RFXANK: variants seen among roughly 807,000 people sequenced by gnomAD.
RFXANK encodes the protein DNA-binding protein RFXANK.
Under a neutral mutation model 34.5 loss-of-function variants are expected in RFXANK, and 19 were observed. The ratio of observed to expected loss-of-function variants is 0.55; its 90% confidence interval spans 0.38 to 0.81. RFXANK has a LOEUF of 0.81. Among genes scored for constraint, RFXANK ranks in the 30% least tolerant of loss-of-function variants. The pLI is 0.00. For missense variants in RFXANK, 295 were observed against 343.5 expected, an observed-to-expected ratio of 0.86 and a Z score of 1.12; for synonymous variants, 154 against 149.8, an observed-to-expected ratio of 1.03 and a Z score of -0.20.
chr19:19,199,365 G>A, intron 9 of RFXANK, 131 bp downstream of exon 9: 3 of 899,396 alleles, frequency 3.3e-6, no homozygotes, highest in East Asian at 2.4e-5. Flanking sequence ...GTTGAGCACT[G>A]CTGTGTATCC....
rs1023542761 is a variant in RFXANK at position 19,198,813 on chromosome 19, C to A, written c.631+90C>A. 1.4e-5 allele frequency: 19 copies of A among 1,318,338 alleles called. No homozygotes were observed. In the South Asian group the frequency reaches 2.1e-4, roughly 15 times the overall value. The allele number at this position is 1,318,338 out of a possible 1,614,324, so 81.7% of individuals were successfully genotyped here. ...AGGGCAGGGAGACGCCCAAGTGTTG[C>A]TTGAAGAGTTCTTGGAGCAGGTAGT... is the stretch of plus-strand genomic sequence containing the variant. On this transcript the variant is annotated intron_variant, in intron 8 of 9. Transcript: ENST00000303088.
At chr19:19,193,534 G>GCCTC (rs2060534297) in intron 2 of RFXANK, among the ~76,000 whole-genome samples, 1 of 148,202 alleles carries the variant, frequency 6.7e-6, no homozygotes, top group Non-Finnish European at 1.5e-5. Context: ...TTCTGCCTCA[G>GCCTC]CCTCCCGAGT....
chr19:19,195,044 TTTTC>T (rs757298583), intron 3 of RFXANK, among the ~76,000 whole-genome samples: 2 of 147,902 alleles, frequency 1.4e-5, no homozygotes, highest in African/African-American at 2.5e-5. Context: ...TCCGTTTTTT[TTTTC>T]TTTCTTTCTT....
chr19:19,194,157 GC>G (rs754919486), intron 3 of RFXANK, 24 bp downstream of exon 3: 4 of 1,609,856 alleles, frequency 2.5e-6, no homozygotes, highest in Non-Finnish European at 3.4e-6. Flanking sequence ...TCTGGGATTA[GC>G]CCTCTGGGAT....
At chr19:19,194,696 T>C (rs1197828242) in intron 3 of RFXANK, among the ~76,000 whole-genome samples, 2 of 151,802 alleles carry the variant, frequency 1.3e-5, no homozygotes, top group South Asian at 4.2e-4. Flanking sequence ...GCTAATTTTT[T>C]TTTTTTTTTT....
intron 8 of RFXANK, 84 bp downstream of exon 8, chr19:19,198,807 G>C (rs1182931829): frequency 1.4e-6 from 2 of 1,382,162 alleles, no homozygotes; most frequent in South Asian, 1.2e-5. Flanking sequence ...AGACGCCCAA[G>C]TGTTGCTTGA....
intron 9 of RFXANK, among the ~76,000 whole-genome samples, chr19:19,199,871 T>C (rs1429570814): frequency 2.0e-5 from 3 of 152,148 alleles, no homozygotes; most frequent in Non-Finnish European, 4.4e-5. Flanking sequence ...GAGATCCCAA[T>C]TGAACCGACC....
intron 6 of RFXANK, 36 bp from the exon 7 acceptor site, chr19:19,198,070 CA>C (rs1401588724): frequency 1.2e-6 from 2 of 1,612,372 alleles, no homozygotes; most frequent in Admixed American, 1.7e-5. Flanking sequence ...GGTTATGCCC[CA>C]ATCCATCCTA....
chr19:19,192,753 T>A (rs1413105788), intron 1 of RFXANK, 199 bp downstream of exon 1: 1 of 152,412 alleles, frequency 6.6e-6, no homozygotes, highest in African/African-American at 2.4e-5. Context: ...TCCGAGTCGG[T>A]GAGGAGGGGA....
In RFXANK at chr19:19,192,317, C is replaced by T. The variant is rs2060496325; in HGVS notation, c.-387C>T. On this transcript the variant is annotated 5_prime_UTR_variant, in exon 1 of 10. Coordinates refer to ENST00000303088, the MANE Select transcript of RFXANK (RefSeq NM_003721.4). ...GGGAAGGAGGCACACCCGGGGGTGG[C>T]GCAGTGAGGAGGGGGCGCGACGGCC... The T allele has an allele frequency of 1.5e-6, 1 of 668,736 alleles. No individual in the cohort carries two copies. The highest frequency in any genetic ancestry group is 2.5e-6 in the Non-Finnish European group (1 of 402,642). The allele number at this position is 668,736 out of a possible 1,614,324, so 41.4% of individuals were successfully genotyped here. A position where few individuals can be genotyped will look rare whatever the true frequency, so the allele number is the denominator to read the frequency against.
intron 6 of RFXANK, 63 bp from the exon 7 acceptor site, chr19:19,198,044 G>C (rs1230619012): frequency 3.8e-6 from 6 of 1,596,618 alleles, no homozygotes; most frequent in Non-Finnish European, 5.1e-6. Context: ...GCTGCTGTGG[G>C]TACCCCAGGA....
At position 19,199,100 on chromosome 19, in the gene RFXANK, C is replaced by A. The variant is rs140866662; in HGVS notation, c.632-54C>A. On this transcript the variant is annotated intron_variant, in intron 8 of 9. Coordinates refer to ENST00000303088, the MANE Select transcript of RFXANK (RefSeq NM_003721.4). ...CATGGGATCTCCCAGGTCCCCAGAC[C>A]CCATTCTGGACTCCCAGGCCCCACC... is the stretch of plus-strand genomic sequence containing the variant. 6.0e-4 allele frequency: 920 copies of A among 1,532,504 alleles called. 9 individuals carry two copies. In the African/African-American group the frequency reaches 0.01, roughly 17 times the overall value. The allele number at this position is 1,532,504 out of a possible 1,614,324, so 94.9% of individuals were successfully genotyped here. A position where few individuals can be genotyped will look rare whatever the true frequency, so the allele number is the denominator to read the frequency against.
Position 19,199,221 on chromosome 19 carries a change from G to T in RFXANK, c.699G>T (p.Leu233=). 1 of 1,614,112 alleles carries T rather than the reference G, an allele frequency of 6.2e-7. No homozygotes were observed. Among genetic ancestry groups the T allele is most frequent in the Non-Finnish European group, 8.5e-7 (1 of 1,180,022 alleles). The change falls in exon 9 of 10, where the codon CTG becomes CTT. Residue 233 remains leucine, a synonymous_variant. Transcript: ENST00000303088. ...GYTPMDLAVA[L]GYRKVQQVIE... ...CCCCGATGGACCTTGCCGTGGCCCT[G>T]GGATACCGGAAAGGTCAGCCTGAGA... is the stretch of plus-strand genomic sequence containing the variant.
At chr19:19,194,863 G>T in intron 3 of RFXANK, among the ~76,000 whole-genome samples, 1 of 151,990 alleles carries the variant, frequency 6.6e-6, no homozygotes, top group East Asian at 1.9e-4. Context: ...TGGGTCAGAT[G>T]GTCATCCTGT....
Position 19,199,133 on chromosome 19 carries a change from GC to G in RFXANK, c.632-18del, listed in dbSNP as rs2060653081. 5 of 1,611,770 alleles carry G rather than the reference GC, an allele frequency of 3.1e-6. No individual in the cohort carries two copies. The highest frequency in any genetic ancestry group is 4.2e-6 in the Non-Finnish European group (5 of 1,179,156). ...GGACTCCCAGGCCCCACCCTCCAGC[GC>G]CCTCCCCTCTCCTTTGCAGCCCGAG... On this transcript the variant is annotated intron_variant, in intron 8 of 9. Transcript: ENST00000303088.
At chr19:19,197,095 G>A (rs760547708) in intron 4 of RFXANK, 49 bp downstream of exon 4, 1 of 1,611,454 alleles carries the variant, frequency 6.2e-7, no homozygotes. Context: ...GAGGGTGGGA[G>A]GGCCTGTGAG....
chr19:19,197,439 C>G, intron 5 of RFXANK, 82 bp from the exon 6 acceptor site: 1 of 1,435,828 alleles, frequency 7.0e-7, no homozygotes, highest in Non-Finnish European at 9.7e-7. Context: ...AACCCCAGCC[C>G]CCCACCTCGT....
At chr19:19,195,532 T>C (rs1417318783) in intron 3 of RFXANK, among the ~76,000 whole-genome samples, 1 of 151,884 alleles carries the variant, frequency 6.6e-6, no homozygotes, top group African/African-American at 2.4e-5. Flanking sequence ...CTCGAACTCC[T>C]GACCTCAGGT....
At chr19:19,196,030 C>T (rs2043939788) in intron 3 of RFXANK, among the ~76,000 whole-genome samples, 1 of 152,182 alleles carries the variant, frequency 6.6e-6, no homozygotes, top group African/African-American at 2.4e-5. Context: ...GCATGAGCCA[C>T]TGTGCCCGGC....
Sources: allele counts gnomAD v4.1 joint callset (sites outside exome capture counted in the v4.1 genomes callset), GRCh38; gene constraint gnomAD v4.1.1; transcripts MANE v1.5; gene names NCBI Gene and HGNC (gene_info 2026-07-23, HGNC 2026-07-21).